CSGALNACT1: variants seen among roughly 807,000 people sequenced by gnomAD.
The protein encoded by CSGALNACT1 is chondroitin sulfate N-acetylgalactosaminyltransferase 1, also known as beta4GalNAcT-1.
A neutral mutation model predicts 51.0 loss-of-function variants in CSGALNACT1; 52 were observed. The observed-to-expected ratio is 1.02, with a 90% CI of 0.82 to 1.29. The LOEUF (loss-of-function observed/expected upper bound fraction) is 1.29. Ranked by LOEUF, CSGALNACT1 falls within the 50% of genes most tolerant of loss-of-function variation. The pLI is 0.00. For missense variants in CSGALNACT1, 935 were observed against 679.2 expected, an observed-to-expected ratio of 1.38 and a Z score of -4.19; for synonymous variants, 341 against 254.4, an observed-to-expected ratio of 1.34 and a Z score of -3.24.
intron 1 of CSGALNACT1, among the ~76,000 whole-genome samples, chr8:19,610,748 C>CA (rs1236215967): frequency 6.6e-6 from 1 of 152,232 alleles, no homozygotes; most frequent in African/African-American, 2.4e-5. Flanking sequence ...ACCTTGCACC[C>CA]ATTCTGCAAA....
intron 3 of CSGALNACT1, among the ~76,000 whole-genome samples, chr8:19,547,699 G>T (rs147332295): frequency 6.6e-6 from 1 of 152,118 alleles, no homozygotes; most frequent in Non-Finnish European, 1.5e-5. Flanking sequence ...GACTAATACC[G>T]TAGAATACAA....
chr8:19,464,771 C>A (rs2066299566), intron 4 of CSGALNACT1, among the ~76,000 whole-genome samples: 1 of 152,084 alleles, frequency 6.6e-6, no homozygotes, highest in Non-Finnish European at 1.5e-5. Context: ...ATCCCAAAAC[C>A]ACCACCTTCC....
rs544976501 is a variant in CSGALNACT1, at chr8:19,719,563, G to A, written c.-297+38287C>T. 6.4e-4 allele frequency among the ~76,000 whole-genome samples: 97 copies of A among 152,276 alleles called. No individual in the cohort carries two copies. The South Asian group carries it at 0.019, about 30-fold the overall frequency. ...AGACAATGGATGCCAGGAGCTAAAT[G>A]TCCAAAATAGTTGTGTGATGATGGT... On this transcript the variant is annotated intron_variant, in intron 1 of 1. Coordinates refer to the CSGALNACT1 transcript ENST00000517494.
intron 1 of CSGALNACT1, 123 bp from the exon 2 acceptor site, chr8:19,601,988 T>C (rs1169678655): frequency 7.6e-6 from 3 of 395,138 alleles, no homozygotes; most frequent in Non-Finnish European, 1.5e-5. Flanking sequence ...TCTGAAAGTA[T>C]TACCCCAAAA....
chr8:19,703,579 C>T (rs558263671), intron 1 of CSGALNACT1, among the ~76,000 whole-genome samples: 17 of 152,248 alleles, frequency 1.1e-4, no homozygotes, highest in Non-Finnish European at 2.2e-4. Flanking sequence ...CTGGGATTAC[C>T]GGTGGGTGTG....
At chr8:19,684,147 C>T (rs2154210685), upstream of CSGALNACT1, among the ~76,000 whole-genome samples, 1 of 151,276 alleles carries the variant, frequency 6.6e-6, no homozygotes, top group East Asian at 2.0e-4. Flanking sequence ...GCCCAGGCAA[C>T]AGAACTTGAC....
chr8:19,457,933 G>C lies in CSGALNACT1; in HGVS notation c.851+493C>G, dbSNP rs192368932. On this transcript the variant is annotated intron_variant, in intron 5 of 9. Coordinates refer to ENST00000454498, the Ensembl canonical transcript of CSGALNACT1. ...ATGATGCAGGTTACAATAAAAGATA[G>C]ATTTGGATTCAATGCATTGCAGCCA... 6.0e-6 allele frequency: 4 copies of C among 662,532 alleles called. No individual in the cohort carries two copies. In the Admixed American group the frequency reaches 9.8e-5, roughly 16 times the overall value. 41.0% of individuals were successfully genotyped at this position (662,532 alleles called of 1,614,324 possible).
chr8:19,522,601 C>A (rs541336038), intron 3 of CSGALNACT1, among the ~76,000 whole-genome samples: 1 of 152,130 alleles, frequency 6.6e-6, no homozygotes, highest in African/African-American at 2.4e-5. Context: ...TAGTTGTACA[C>A]ATGGGGCTGC....
intron 3 of CSGALNACT1, among the ~76,000 whole-genome samples, chr8:19,565,684 C>G (rs180701545): frequency 6.6e-6 from 1 of 152,234 alleles, no homozygotes; most frequent in Admixed American, 6.5e-5. Context: ...TTTGGGAGGC[C>G]AAGGTGGGTG....
chr8:19,405,755 T>C lies in CSGALNACT1; in HGVS notation c.*25A>G, dbSNP rs779071663. 3.7e-6 allele frequency: 6 copies of C among 1,613,876 alleles called. No individual in the cohort carries two copies. In the East Asian group the frequency reaches 1.3e-4, roughly 36 times the overall value. The stretch of plus-strand genomic sequence containing the variant: ...TAATTGCAAAAGGAAAGAAAAAGTG[T>C]CTCCCACAATCCTTCTCTGGGAGTT... On this transcript the variant is annotated 3_prime_UTR_variant, in exon 10 of 10. Transcript: ENST00000454498.
chr8:19,707,456 G>A (rs576170116), intron 1 of CSGALNACT1, among the ~76,000 whole-genome samples: 1 of 152,106 alleles, frequency 6.6e-6, no homozygotes, highest in Non-Finnish European at 1.5e-5. Flanking sequence ...TTGATCAAAA[G>A]GAAGGAATTA....
At chr8:19,604,339 C>T (rs1418854807), upstream of CSGALNACT1, among the ~76,000 whole-genome samples, 1 of 152,178 alleles carries the variant, frequency 6.6e-6, no homozygotes, top group Non-Finnish European at 1.5e-5. Context: ...AACAGCACAT[C>T]CATAATGTGT....
intron 1 of CSGALNACT1, among the ~76,000 whole-genome samples, chr8:19,666,822 A>G (rs1470785847): frequency 1.3e-5 from 1 of 76,398 alleles, no homozygotes; most frequent in Non-Finnish European, 2.6e-5. Context: ...AGAGAGAGAG[A>G]GAGAGAGAGA....
chr8:19,457,348 C>T (rs2064320126), intron 5 of CSGALNACT1, among the ~76,000 whole-genome samples: 2 of 152,200 alleles, frequency 1.3e-5, no homozygotes, highest in South Asian at 4.1e-4. Flanking sequence ...CACGGTGGCT[C>T]ACGCCTGTAA....
chr8:19,507,811 T>C (rs1251879107), intron 3 of CSGALNACT1, among the ~76,000 whole-genome samples: 3 of 152,212 alleles, frequency 2.0e-5, no homozygotes, highest in Non-Finnish European at 4.4e-5. Flanking sequence ...TGTATTTTAG[T>C]AGAGACGGGG....
At chr8:19,731,144 C>T (rs11787285) in intron 1 of CSGALNACT1, among the ~76,000 whole-genome samples, 45,241 of 151,878 alleles carry the variant, frequency 0.3, 7,288 homozygotes, top group East Asian at 0.39. Context: ...AAACTTGTGA[C>T]GCCACTTTTT....
intron 1 of CSGALNACT1, among the ~76,000 whole-genome samples, chr8:19,695,683 A>G (rs1196953942): frequency 2.6e-5 from 4 of 152,252 alleles, no homozygotes; most frequent in Non-Finnish European, 5.9e-5. Context: ...AAAAGCAACA[A>G]TGTCAAGACA....
intron 1 of CSGALNACT1, among the ~76,000 whole-genome samples, chr8:19,696,426 A>G (rs992045652): frequency 6.6e-6 from 1 of 152,236 alleles, no homozygotes; most frequent in African/African-American, 2.4e-5. Context: ...GCAGGAGAGA[A>G]CAACATTTAA....
intron 3 of CSGALNACT1, among the ~76,000 whole-genome samples, chr8:19,562,277 A>C (rs2154098383): frequency 6.6e-6 from 1 of 152,338 alleles, no homozygotes; most frequent in Middle Eastern, 3.4e-3. Context: ...ATTTCATAAA[A>C]ATTCTTCAGG....
Sources: gnomAD v4.1 joint callset for allele counts (sites outside exome capture counted in the v4.1 genomes callset) on GRCh38, gnomAD v4.1.1 for gene constraint, MANE v1.5 for transcripts, NCBI Gene and HGNC (gene_info 2026-07-23, HGNC 2026-07-21) for gene names.